The following EXOSC8 variants were observed in gnomAD, a reference collection of about 807,000 sequenced individuals.
EXOSC8 encodes exosome complex component RRP43.
EXOSC8 carries 37 observed loss-of-function variants against 39.9 expected under a neutral mutation model. The ratio of observed to expected loss-of-function variants is 0.93; its 90% CI spans 0.71 to 1.22. EXOSC8 has a LOEUF of 1.22. Ranked by LOEUF, EXOSC8 falls within the 50% of genes most tolerant of loss-of-function variation. The probability of loss-of-function intolerance (pLI) is 0.00; values close to 1 mark genes in which losing one functional copy is unlikely to be tolerated. For missense variants in EXOSC8, 313 were observed against 326.6 expected (o/e 0.96, Z 0.32); for synonymous variants, 93 against 109.5 (o/e 0.85, Z 0.94).
Position 37,006,981 on chromosome 13 carries a change from T to C in EXOSC8, c.397T>C (p.Trp133Arg). The C allele has an allele frequency of 6.2e-7, 1 of 1,602,428 alleles. No individual in the cohort carries two copies. Among genetic ancestry groups the C allele is most frequent in the Non-Finnish European group, 8.6e-7 (1 of 1,169,264 alleles). Residue 133 changes from tryptophan (W) to arginine (R), a missense_variant, in exon 8 of 11, where the codon TGG (tryptophan) becomes CGG (arginine). By Grantham distance (101) the Trp-to-Arg change is moderately radical. Coordinates refer to ENST00000389704, the MANE Select transcript of EXOSC8 (RefSeq NM_181503.3). Reference sequence around the variant, plus strand: ...GTGTTTAATTCTATTTTAGCTTGTCTGGGTTCTATACTGTGATCTCATTTG... The same window carrying C: ...GTGTTTAATTCTATTTTAGCTTGTCCGGGTTCTATACTGTGATCTCATTTG... The part of the protein sequence containing the change: ...DLCISPGKLV[W>R]VLYCDLICLD...
chr13:37,008,668 T>C (rs989729017), intron 9 of EXOSC8, 61 bp from the exon 10 acceptor site: 7 of 1,021,356 alleles, frequency 6.9e-6, no homozygotes, highest in African/African-American at 6.5e-5. Context: ...ATAGTATGTT[T>C]AGTATTTTAA....
In EXOSC8 at chr13:37,005,970, C is replaced by T; in HGVS notation, c.289C>T (p.Pro97Ser). ...PLCSSRFRSG[P>S]PGEEAQVASQ... ...GTGTTCATCGAGATTCCGGTCTGGACCTCCTGGAGAAGAGGCCCAAGTGGC... is the reference window on the plus strand; with the variant it reads ...GTGTTCATCGAGATTCCGGTCTGGATCTCCTGGAGAAGAGGCCCAAGTGGC... Residue 97 changes from proline (P) to serine (S), a missense_variant, in exon 6 of 11, where the codon CCT becomes TCT. Physicochemically the swap from Pro to Ser is moderately conservative, Grantham distance 74. Transcript: ENST00000389704. 3.7e-6 allele frequency: 6 copies of T among 1,612,516 alleles called. No homozygotes were observed. The highest frequency in any genetic ancestry group is 5.1e-6 in the Non-Finnish European group (6 of 1,178,928).
chr13:37,006,074 T>C (rs759542468), intron 6 of EXOSC8, 41 bp from the exon 7 acceptor site: 1 of 1,589,980 alleles, frequency 6.3e-7, no homozygotes, highest in Admixed American at 1.7e-5. Context: ...TCAGATAGTT[T>C]TGGGCTTTTC....
At chr13:37,002,129 G>A in intron 1 of EXOSC8, 144 bp from the exon 2 acceptor site, 1 of 584,534 alleles carries the variant, frequency 1.7e-6, no homozygotes, top group East Asian at 2.8e-5. Context: ...GCTACTACAA[G>A]GATTTTTACT....
intron 10 of EXOSC8, 77 bp downstream of exon 10, chr13:37,008,912 T>G (rs2059181825): frequency 2.2e-6 from 2 of 899,128 alleles, no homozygotes; most frequent in South Asian, 2.8e-5. Context: ...GAGGGCCAAA[T>G]AGAATATGGG....
chr13:37,006,141 T>TTTGG lies in EXOSC8; in HGVS notation c.371_372insTTGG (p.Leu124PhefsTer16). On this transcript the variant is annotated frameshift_variant, in exon 7 of 11. Coordinates refer to ENST00000389704, the MANE Select transcript of EXOSC8 (RefSeq NM_181503.3). LOFTEE classifies it high-confidence loss of function. Reference sequence around the variant, plus strand: ...TCACAGATAATTCAGAAAGAGGACTTATGCATTTCTCCAGGAAAGGTAAGA... The same window carrying TTTGG: ...TCACAGATAATTCAGAAAGAGGACTTTTGGATGCATTTCTCCAGGAAAGGTAAGA... The TTTGG allele has an allele frequency of 6.2e-7, 1 of 1,610,256 alleles. No individual in the cohort carries two copies. The highest frequency in any genetic ancestry group is 8.5e-7 in the Non-Finnish European group (1 of 1,176,768).
At chr13:37,009,043 G>T in intron 10 of EXOSC8, 141 bp from the exon 11 acceptor site, 1 of 704,964 alleles carries the variant, frequency 1.4e-6, no homozygotes, top group Non-Finnish European at 2.4e-6. Context: ...TGGAGGTCTT[G>T]TGAAACTAAC....
intron 5 of EXOSC8, 57 bp from the exon 6 acceptor site, chr13:37,005,862 CA>C (rs59234766): frequency 0.073 from 20,969 of 287,980 alleles, no homozygotes; most frequent in South Asian, 0.085. Flanking sequence ...GACTCCATCT[CA>C]AAAAAAAAAA....
At chr13:37,007,736 C>G (rs959517603) in intron 8 of EXOSC8, among the ~76,000 whole-genome samples, 1 of 151,886 alleles carries the variant, frequency 6.6e-6, no homozygotes, top group Non-Finnish European at 1.5e-5. Flanking sequence ...ATAGTACTTA[C>G]TTTGTAAGAG....
intron 5 of EXOSC8, among the ~76,000 whole-genome samples, chr13:37,005,431 A>G (rs1319962339): frequency 6.6e-6 from 1 of 152,104 alleles, no homozygotes; most frequent in African/African-American, 2.4e-5. Context: ...AAAAATAGAA[A>G]TTTCATGGCT....
At chr13:37,006,224 A>G (rs2059138294) in intron 7 of EXOSC8, 64 bp downstream of exon 7, 1 of 1,100,520 alleles carries the variant, frequency 9.1e-7, no homozygotes, top group Admixed American at 2.2e-5. Context: ...TTTGTGGGGG[A>G]AAGTGAACAA....
intron 5 of EXOSC8, among the ~76,000 whole-genome samples, chr13:37,005,605 C>T (rs978953553): frequency 1.3e-5 from 2 of 152,030 alleles, no homozygotes; most frequent in African/African-American, 4.8e-5. Flanking sequence ...TGGTGGCTCA[C>T]ACCTGTAACC....
intron 8 of EXOSC8, 77 bp downstream of exon 8, chr13:37,007,148 T>G: frequency 1.1e-6 from 1 of 907,580 alleles, no homozygotes; most frequent in Non-Finnish European, 1.8e-6. Flanking sequence ...TAATGTACAT[T>G]TGCTTTCGTA....
intron 3 of EXOSC8, 73 bp from the exon 4 acceptor site, chr13:37,002,861 A>C: frequency 9.8e-7 from 1 of 1,021,538 alleles, no homozygotes; most frequent in East Asian, 2.5e-5. Context: ...AAAACACTTA[A>C]TTTTAATTAT....
chr13:37,009,578 A>T lies in EXOSC8; in HGVS notation c.*279A>T. 7.1e-7 allele frequency: 1 copy of T among 1,411,868 alleles called. No homozygotes were observed. 87.5% of individuals were successfully genotyped at this position (1,411,868 alleles called of 1,614,324 possible). On this transcript the variant is annotated 3_prime_UTR_variant, in exon 11 of 11. Coordinates refer to ENST00000389704, the MANE Select transcript of EXOSC8 (RefSeq NM_181503.3). Reference sequence around the variant, plus strand: ...GTTTGTACATCTAGCAATGTAAAATACTGACACATTAAAAAAAACAAAAAG... The same window carrying T: ...GTTTGTACATCTAGCAATGTAAAATTCTGACACATTAAAAAAAACAAAAAG...
chr13:37,006,862 GAA>G (rs2059142377), intron 7 of EXOSC8, 111 bp from the exon 8 acceptor site: 1 of 653,314 alleles, frequency 1.5e-6, no homozygotes, highest in African/African-American at 1.8e-5. Context: ...TTTGAGCCTT[GAA>G]AGTTATCTTG....
At chr13:37,006,839 T>C in intron 7 of EXOSC8, 136 bp from the exon 8 acceptor site, 1 of 591,356 alleles carries the variant, frequency 1.7e-6, no homozygotes, top group South Asian at 2.2e-5. Flanking sequence ...AGGTGAAGCA[T>C]TTTCTTAAGG....
In EXOSC8 at chr13:37,009,205, C is replaced by T. The variant is rs1408767138; in HGVS notation, c.737C>T (p.Ala246Val). The stretch of plus-strand genomic sequence containing the variant: ...TCAGGTGGAAGTGGGCTAACTGGAG[C>T]TAAACTTCAGGACTGTATGAGCCGA... ...HKPGGSGLTGAKLQDCMSRAV... is the reference protein window; with the variant it reads ...HKPGGSGLTGVKLQDCMSRAV... Residue 246 changes from alanine (A) to valine (V), a missense_variant, in exon 11 of 11, where the codon GCT becomes GTT. By Grantham distance (64) the Ala-to-Val change is moderately conservative. Transcript: ENST00000389704. 1.2e-6 allele frequency: 2 copies of T among 1,610,868 alleles called. No homozygotes were observed. Among genetic ancestry groups the T allele is most frequent in the Non-Finnish European group, 1.7e-6 (2 of 1,178,568 alleles).
chr13:37,008,988 T>C (rs1055618749), intron 10 of EXOSC8, among the ~76,000 whole-genome samples, 153 bp downstream of exon 10: 3 of 152,224 alleles, frequency 2.0e-5, no homozygotes, highest in Non-Finnish European at 2.9e-5. Flanking sequence ...ATCTTAATGG[T>C]ATATGTCAGT....
Sources: gnomAD v4.1 joint callset for allele counts (sites outside exome capture counted in the v4.1 genomes callset) on GRCh38, gnomAD v4.1.1 for gene constraint, MANE v1.5 for transcripts, NCBI Gene and HGNC (gene_info 2026-07-23, HGNC 2026-07-21) for gene names.